The following PRKAA2 variants were observed in gnomAD, a reference collection of about 807,000 sequenced individuals.
The protein encoded by PRKAA2 is protein kinase AMP-activated catalytic subunit alpha 2.
Under a neutral mutation model 56.3 loss-of-function variants are expected in PRKAA2, and 40 were observed. The observed-to-expected ratio is 0.71, with a 90% CI of 0.55 to 0.92. The LOEUF (loss-of-function observed/expected upper bound fraction) is 0.92. PRKAA2 is among the 40% of genes least tolerant of loss of function. PRKAA2 has a pLI of 0.00. For synonymous variants in PRKAA2, 214 were observed against 234.2 expected (o/e 0.91, Z 0.79); for missense variants, 542 against 686.9 (o/e 0.79, Z 2.36).
chr1:56,704,715 GA>G (rs1644320081), intron 7 of PRKAA2, among the ~76,000 whole-genome samples: 1 of 151,602 alleles, frequency 6.6e-6, no homozygotes, highest in African/African-American at 2.4e-5. Flanking sequence ...AATCATCTGA[GA>G]AAATAGCTTA....
At chr1:56,663,168 A>T (rs1231972632) in intron 1 of PRKAA2, among the ~76,000 whole-genome samples, 1 of 152,138 alleles carries the variant, frequency 6.6e-6, no homozygotes, top group African/African-American at 2.4e-5. Flanking sequence ...ATCATAGCTC[A>T]CTGCAGCCTG....
chr1:56,658,944 G>A (rs917918065), intron 1 of PRKAA2, among the ~76,000 whole-genome samples: 12 of 151,024 alleles, frequency 7.9e-5, no homozygotes, highest in African/African-American at 2.9e-4. Flanking sequence ...ACAGGCGAGT[G>A]CCACCATGCC....
intron 1 of PRKAA2, among the ~76,000 whole-genome samples, chr1:56,653,686 G>A (rs1643920106): frequency 6.6e-6 from 1 of 152,142 alleles, no homozygotes; most frequent in Admixed American, 6.6e-5. Flanking sequence ...TGAACTATGA[G>A]AATAATCTGT....
At position 56,706,238 on chromosome 1, in the gene PRKAA2, A is replaced by G. The variant is rs375070471; in HGVS notation, c.1420+20A>G. 195 of 1,608,758 alleles carry G rather than the reference A, an allele frequency of 1.2e-4. No individual in the cohort carries two copies. Among genetic ancestry groups the G allele is most frequent in the Non-Finnish European group, 1.6e-4 (190 of 1,178,526 alleles). On this transcript the variant is annotated intron_variant, in intron 8 of 8. Transcript: ENST00000371244. ...TTGATGGTAAGGAAGCTATGCATGC[A>G]TGAGCTCTGAGAAGATAAAACTTGG...
At position 56,704,401 on chromosome 1, in the gene PRKAA2, C is replaced by A. The variant is rs754122743; in HGVS notation, c.1219C>A (p.Arg407=). The part of the protein sequence containing the change: ...VKKAKWHLGI[R]SQSKPYDIMA... ...AAAAGCCAAGTGGCATCTTGGAATC[C>A]GAAGTCAGAGCAAACCGTATGACAT... Residue 407 remains arginine, a synonymous_variant, in exon 7 of 9, where the codon CGA becomes AGA. Coordinates refer to ENST00000371244, the MANE Select transcript of PRKAA2 (RefSeq NM_006252.4). The A allele has an allele frequency of 6.2e-7, 1 of 1,613,980 alleles. No individual in the cohort carries two copies. The highest frequency in any genetic ancestry group is 2.2e-5 in the East Asian group (1 of 44,870).
chr1:56,688,205 T>TC (rs1355890974), intron 2 of PRKAA2, among the ~76,000 whole-genome samples: 3 of 152,144 alleles, frequency 2.0e-5, no homozygotes, highest in African/African-American at 7.2e-5. Flanking sequence ...TTTCCCTTTG[T>TC]CCCTACCCCA....
chr1:56,665,871 A>T (rs568380683), intron 1 of PRKAA2, among the ~76,000 whole-genome samples: 1 of 152,200 alleles, frequency 6.6e-6, no homozygotes, highest in East Asian at 1.9e-4. Context: ...TGAGACATAT[A>T]CCTTCTTTTG....
At chr1:56,702,693 G>T (rs1360194232) in intron 6 of PRKAA2, among the ~76,000 whole-genome samples, 1 of 152,116 alleles carries the variant, frequency 6.6e-6, no homozygotes, top group Non-Finnish European at 1.5e-5. Context: ...TATCTGTTCT[G>T]CAACTCTTTG....
At chr1:56,693,985 T>TA in intron 5 of PRKAA2, 133 bp downstream of exon 5, 1 of 579,064 alleles carries the variant, frequency 1.7e-6, no homozygotes, top group Non-Finnish European at 2.9e-6. Flanking sequence ...TTTCCACTGT[T>TA]AAAGGGATAA....
chr1:56,672,342 C>A (rs981109703), intron 1 of PRKAA2, among the ~76,000 whole-genome samples: 1 of 152,116 alleles, frequency 6.6e-6, no homozygotes, highest in Admixed American at 6.5e-5. Flanking sequence ...GTCTCGAACT[C>A]CTGGGCTCAA....
rs1644349610 is a variant in PRKAA2, at chr1:56,708,690, T to TTGACC, written c.*978_*979insGACCT. On this transcript the variant is annotated 3_prime_UTR_variant, in exon 9 of 9. Transcript: ENST00000371244. Reference sequence around the variant, plus strand: ...TAATTCTTCATTGGAAGCCACTCCCTTCACCTCACCTCACCTAGTCACTAT... The same window carrying TTGACC: ...TAATTCTTCATTGGAAGCCACTCCCTTGACCTCACCTCACCTCACCTAGTCACTAT... 6.6e-6 allele frequency: 1 copy of TTGACC among 152,144 alleles called. No individual in the cohort carries two copies. The allele number at this position is 152,144 out of a possible 1,614,324, so 9.4% of individuals were successfully genotyped here.
chr1:56,659,459 C>T (rs1248354402), intron 1 of PRKAA2, among the ~76,000 whole-genome samples: 1 of 147,632 alleles, frequency 6.8e-6, no homozygotes, highest in African/African-American at 2.5e-5. Flanking sequence ...ATCATGCCAC[C>T]GCACTCTAGC....
chr1:56,712,105 C>T lies in PRKAA2; in HGVS notation c.*4392C>T, dbSNP rs1447104899. On this transcript the variant is annotated 3_prime_UTR_variant, in exon 9 of 9. Coordinates refer to ENST00000371244, the MANE Select transcript of PRKAA2 (RefSeq NM_006252.4). ...ATCTAGAGACCCTTCATATTGTTTA[C>T]TTACTATTACGATAACTTTGAGAGG... The T allele has an allele frequency of 6.6e-6, 1 of 152,104 alleles. No homozygotes were observed. Among genetic ancestry groups the T allele is most frequent in the Non-Finnish European group, 1.5e-5 (1 of 68,016 alleles). The allele number at this position is 152,104 out of a possible 1,614,324, so 9.4% of individuals were successfully genotyped here.
At chr1:56,700,601 C>T (rs1170834999) in intron 6 of PRKAA2, among the ~76,000 whole-genome samples, 1 of 152,172 alleles carries the variant, frequency 6.6e-6, no homozygotes, top group Non-Finnish European at 1.5e-5. Context: ...CTGCTTCAGG[C>T]AGTTGCGATG....
chr1:56,697,722 C>T (rs563688214), intron 6 of PRKAA2, among the ~76,000 whole-genome samples: 4 of 151,824 alleles, frequency 2.6e-5, no homozygotes, highest in African/African-American at 4.8e-5. Context: ...CAACACTTTG[C>T]GAGGCTGAGA....
rs1250558964 is a variant in PRKAA2, at chr1:56,678,053, C to T, written c.236+3531C>T. ...TTTTATTTTTGTTTGACTGTCTCAT[C>T]CTGATTATTTAATTATTTGCTGTTT... On this transcript the variant is annotated intron_variant, in intron 2 of 8. Transcript: ENST00000371244. Among the ~76,000 whole-genome samples the T allele has an allele frequency of 2.6e-5, 4 of 152,128 alleles. No homozygotes were observed. In the East Asian group the frequency reaches 7.7e-4, roughly 29 times the overall value.
chr1:56,683,274 A>G (rs1044231921), intron 2 of PRKAA2, among the ~76,000 whole-genome samples: 1 of 152,116 alleles, frequency 6.6e-6, no homozygotes. Context: ...TGGAGATATC[A>G]TCTATCATCT....
chr1:56,667,391 A>G (rs1644043954), intron 1 of PRKAA2, among the ~76,000 whole-genome samples: 2 of 152,160 alleles, frequency 1.3e-5, no homozygotes, highest in Admixed American at 1.3e-4. Flanking sequence ...TAGCATCTAA[A>G]CTTGGAATTC....
chr1:56,673,395 AG>A (rs1421575640), intron 1 of PRKAA2, among the ~76,000 whole-genome samples: 1 of 152,160 alleles, frequency 6.6e-6, no homozygotes, highest in East Asian at 1.9e-4. Flanking sequence ...ATGAAAAGAT[AG>A]GGAAAGTCAC....
Sources: allele counts gnomAD v4.1 joint callset (sites outside exome capture counted in the v4.1 genomes callset), GRCh38; gene constraint gnomAD v4.1.1; transcripts MANE v1.5; gene names NCBI Gene and HGNC (gene_info 2026-07-23, HGNC 2026-07-21).